GABRA3: variants seen among roughly 807,000 people sequenced by gnomAD.
GABRA3 encodes the protein gamma-aminobutyric acid type A receptor subunit alpha3.
Under a neutral mutation model 30.1 loss-of-function variants are expected in GABRA3, and 10 were observed. That is an observed-to-expected ratio of 0.33 (90% CI 0.20 to 0.56). The LOEUF (loss-of-function observed/expected upper bound fraction) is 0.56, where lower values mean the gene tolerates loss of function less well. Ranked by LOEUF, GABRA3 falls within the 20% of genes least tolerant of loss-of-function variation. GABRA3 has a pLI of 0.89. For synonymous variants in GABRA3, 151 were observed against 146.8 expected (o/e 1.03, Z -0.21); for missense variants, 233 against 392.0 (o/e 0.59, Z 3.42).
At chrX:152,210,572 T>C (rs891701873) in intron 6 of GABRA3, among the ~76,000 whole-genome samples, 1 of 112,487 alleles carries the variant, frequency 8.9e-6, no homozygotes, top group Non-Finnish European at 1.9e-5. Flanking sequence ...TGAAGCCATG[T>C]AGGATTTGAG....
intron 9 of GABRA3, among the ~76,000 whole-genome samples, chrX:152,176,920 G>A (rs1316560725): frequency 6.3e-5 from 7 of 111,571 alleles, no homozygotes; most frequent in Non-Finnish European, 1.3e-4. Flanking sequence ...ATCTGACTGA[G>A]CTGCCCTGAA....
Position 152,239,841 on chromosome X carries a change from A to T in GABRA3, c.552-14996T>A, listed in dbSNP as rs5970238. The stretch of plus-strand genomic sequence containing the variant: ...CCCCTGCCTTTTTTTGTTTTCCATT[A>T]GCTTGGTAGATCTTCCTCCATCCTT... On this transcript the variant is annotated intron_variant, in intron 5 of 9. Transcript: ENST00000370314. Among the ~76,000 whole-genome samples the T allele has an allele frequency of 3.0e-3, 295 of 98,156 alleles. 2 individuals are homozygous for T. Among genetic ancestry groups the T allele is most frequent in the Non-Finnish European group, 4.1e-3 (209 of 51,085 alleles). 85.2% of individuals were successfully genotyped at this position (98,156 alleles called of 115,157 possible). A position where few individuals can be genotyped will look rare whatever the true frequency, so the allele number is the denominator to read the frequency against.
intron 2 of GABRA3, among the ~76,000 whole-genome samples, chrX:152,356,892 C>A (rs887128385): frequency 1.8e-5 from 2 of 111,915 alleles, no homozygotes; most frequent in African/African-American, 6.5e-5. Flanking sequence ...TAGCCTCCAG[C>A]TGCATCCATG....
chrX:152,399,867 T>C (rs1392648770), intron 1 of GABRA3, among the ~76,000 whole-genome samples: 1 of 111,649 alleles, frequency 9.0e-6, no homozygotes, highest in African/African-American at 3.3e-5. Context: ...TTTGAAGTTC[T>C]GAGCACCCCT....
chrX:152,383,230 CAA>C (rs1371220184), intron 1 of GABRA3, among the ~76,000 whole-genome samples: 1 of 104,796 alleles, frequency 9.5e-6, no homozygotes, highest in Admixed American at 1.0e-4. Flanking sequence ...ACTGAAAATA[CAA>C]AAAAAAATTA....
At chrX:152,429,094 A>G (rs1930584605) in intron 1 of GABRA3, among the ~76,000 whole-genome samples, 1 of 111,541 alleles carries the variant, frequency 9.0e-6, no homozygotes, top group Non-Finnish European at 1.9e-5. Context: ...AAGAGAGGTA[A>G]GAACGATATC....
At chrX:152,211,266 T>A (rs1937626522) in intron 6 of GABRA3, among the ~76,000 whole-genome samples, 1 of 109,160 alleles carries the variant, frequency 9.2e-6, no homozygotes, top group East Asian at 2.9e-4. Context: ...ATCTCTTAAC[T>A]TAAGTTGAGT....
chrX:152,291,881 A>G (rs912530427), intron 3 of GABRA3, among the ~76,000 whole-genome samples: 6 of 112,032 alleles, frequency 5.4e-5, no homozygotes, highest in Admixed American at 1.9e-4. Flanking sequence ...CGTGGCGGAT[A>G]AGCTTTTTGA....
intron 4 of GABRA3, among the ~76,000 whole-genome samples, chrX:152,267,633 G>C (rs1331761933): frequency 9.0e-6 from 1 of 111,208 alleles, no homozygotes; most frequent in Non-Finnish European, 1.9e-5. Flanking sequence ...CAGCCATCAG[G>C]TCCTGGGTTT....
At chrX:152,332,843 C>T (rs1940184143) in intron 3 of GABRA3, among the ~76,000 whole-genome samples, 1 of 112,354 alleles carries the variant, frequency 8.9e-6, no homozygotes, top group African/African-American at 3.2e-5. Context: ...CATCATCTTG[C>T]TTCTCATTTT....
In GABRA3 at chrX:152,219,285, C is replaced by T. The variant is rs142394334; in HGVS notation, c.634+5478G>A. ...CAATCCAGATCTCTTTTATGAACAC[C>T]GAAGTTACATTCCAGATAATCAGCA... On this transcript the variant is annotated intron_variant, in intron 6 of 9. Transcript: ENST00000370314. Among the ~76,000 whole-genome samples, 524 of 110,377 alleles carry T rather than the reference C, an allele frequency of 4.7e-3. 5 individuals are homozygous for T. Among genetic ancestry groups the T allele is most frequent in the African/African-American group, 0.016 (490 of 30,449 alleles).
chrX:152,277,677 G>A (rs1939112728), intron 4 of GABRA3, among the ~76,000 whole-genome samples: 1 of 111,916 alleles, frequency 8.9e-6, no homozygotes, highest in African/African-American at 3.2e-5. Flanking sequence ...AAGGATGACT[G>A]CCTAGAAATT....
intron 2 of GABRA3, among the ~76,000 whole-genome samples, chrX:152,357,249 G>A (rs1940563795): frequency 9.0e-6 from 1 of 111,436 alleles, no homozygotes; most frequent in Admixed American, 9.5e-5. Flanking sequence ...CATTATTTCT[G>A]AGCTCCGTAT....
At chrX:152,447,766 G>A (rs918592407) in intron 1 of GABRA3, among the ~76,000 whole-genome samples, 2 of 112,215 alleles carry the variant, frequency 1.8e-5, no homozygotes, top group African/African-American at 6.5e-5. Context: ...TTTAACTGTA[G>A]GGTAAAAGAT....
chrX:152,233,939 T>G (rs1180335263), intron 5 of GABRA3, among the ~76,000 whole-genome samples: 1 of 105,647 alleles, frequency 9.5e-6, no homozygotes, highest in Non-Finnish European at 1.9e-5. Flanking sequence ...AGTAAACTAT[T>G]GCAAGCACAA....
At position 152,238,162 on chromosome X, in the gene GABRA3, A is replaced by G. The variant is rs868407016; in HGVS notation, c.552-13317T>C. On this transcript the variant is annotated intron_variant, in intron 5 of 9. Transcript: ENST00000370314. ...GATAGCTCTTATTATTTTGAAATAC[A>G]TCCCATCAATACCTAATTTATTGAG... Among the ~76,000 whole-genome samples, 187 of 106,062 alleles carry G rather than the reference A, an allele frequency of 1.8e-3. 1 individual carries two copies. The highest frequency in any genetic ancestry group is 6.5e-3 in the African/African-American group (178 of 27,507). 92.1% of individuals were successfully genotyped at this position (106,062 alleles called of 115,157 possible).
rs762532522 is a variant in GABRA3, at chrX:152,185,219, A to T, written c.1143+4511T>A. 3.6e-5 allele frequency among the ~76,000 whole-genome samples: 4 copies of T among 111,517 alleles called. No individual in the cohort carries two copies. The South Asian group carries it at 1.5e-3, about 42-fold the overall frequency. On this transcript the variant is annotated intron_variant, in intron 9 of 9. Transcript: ENST00000370314. ...TGCTCCGTATTGTAGCGGTGCAGAC[A>T]AAGCAGAGCACCTGTACATTAGAGA...
chrX:152,237,060 A>G (rs1938234725), intron 5 of GABRA3, among the ~76,000 whole-genome samples: 1 of 109,622 alleles, frequency 9.1e-6, no homozygotes, highest in Admixed American at 9.9e-5. Context: ...TTGGACATGA[A>G]GTCCTTGCCC....
At chrX:152,237,537 T>G (rs1322703555) in intron 5 of GABRA3, among the ~76,000 whole-genome samples, 3 of 103,020 alleles carry the variant, frequency 2.9e-5, no homozygotes, top group East Asian at 3.2e-4. Context: ...GTGAAGAAAG[T>G]CATTGGTAGC....
Sources: allele counts gnomAD v4.1 joint callset (sites outside exome capture counted in the v4.1 genomes callset), GRCh38; gene constraint gnomAD v4.1.1; transcripts MANE v1.5; gene names NCBI Gene and HGNC (gene_info 2026-07-23, HGNC 2026-07-21).